The following PAX5 variants were observed in gnomAD, a reference collection of about 807,000 sequenced individuals.
PAX5 encodes the protein paired box protein Pax-5.
PAX5 carries 9 observed loss-of-function variants against 43.7 expected under a neutral mutation model. The ratio of observed to expected loss-of-function variants is 0.21; its 90% CI spans 0.12 to 0.36. The LOEUF (loss-of-function observed/expected upper bound fraction) is 0.36, where lower values mean the gene tolerates loss of function less well. Ranked by LOEUF, PAX5 falls within the 10% of genes least tolerant of loss-of-function variation. The probability of loss-of-function intolerance (pLI) is 1.00; values close to 1 mark genes in which losing one functional copy is unlikely to be tolerated. For synonymous variants in PAX5, 228 were observed against 214.3 expected (o/e 1.06, Z -0.56); for missense variants, 383 against 532.7 (o/e 0.72, Z 2.77).
At chr9:36,987,820 T>TCTGC (rs988564400) in intron 5 of PAX5, among the ~76,000 whole-genome samples, 2 of 152,216 alleles carry the variant, frequency 1.3e-5, no homozygotes, top group African/African-American at 2.4e-5. Flanking sequence ...TCTCTGCCTC[T>TCTGC]CTGCCTGCCT....
chr9:36,958,455 A>G (rs937063580), intron 6 of PAX5, among the ~76,000 whole-genome samples: 2 of 148,458 alleles, frequency 1.3e-5, no homozygotes, highest in Non-Finnish European at 3.0e-5. Context: ...CTGGCTGGAG[A>G]CTTGGAGGGT....
At chr9:36,931,642 A>G (rs2132014643) in intron 6 of PAX5, among the ~76,000 whole-genome samples, 1 of 152,294 alleles carries the variant, frequency 6.6e-6, no homozygotes. Flanking sequence ...TGAGATCAGG[A>G]GTTCAAGACC....
chr9:36,870,724 T>C (rs1412800005), intron 8 of PAX5, among the ~76,000 whole-genome samples: 1 of 152,226 alleles, frequency 6.6e-6, no homozygotes, highest in South Asian at 2.1e-4. Context: ...TGCACTTTCA[T>C]TTAGGATCCT....
At chr9:36,876,499 C>T (rs1825924748) in intron 8 of PAX5, among the ~76,000 whole-genome samples, 1 of 152,222 alleles carries the variant, frequency 6.6e-6, no homozygotes, top group Non-Finnish European at 1.5e-5. Flanking sequence ...CTTCCTTTTT[C>T]CTCTAGCCCA....
At chr9:36,876,656 G>A (rs146988774) in intron 8 of PAX5, among the ~76,000 whole-genome samples, 27 of 152,256 alleles carry the variant, frequency 1.8e-4, no homozygotes, top group Non-Finnish European at 1.8e-4. Flanking sequence ...CAAAATTTTC[G>A]GCATTTTCTG....
At chr9:36,952,381 A>G (rs937164648) in intron 6 of PAX5, among the ~76,000 whole-genome samples, 5 of 151,772 alleles carry the variant, frequency 3.3e-5, no homozygotes, top group African/African-American at 9.7e-5. Flanking sequence ...CTGGGATTAC[A>G]GGCACATGCC....
At chr9:37,014,906 G>C in intron 3 of PAX5, 91 bp downstream of exon 3, 1 of 1,211,188 alleles carries the variant, frequency 8.3e-7, no homozygotes, top group East Asian at 2.3e-5. Context: ...TGAAAAAAGA[G>C]ACCAGATCTT....
intron 1 of PAX5, among the ~76,000 whole-genome samples, chr9:37,032,899 C>G (rs73440832): frequency 0.014 from 2,080 of 152,362 alleles, 49 homozygotes; most frequent in African/African-American, 0.047. Flanking sequence ...TGTGCGCATA[C>G]AGGCCCTAGA....
chr9:37,025,508 G>C (rs1368795079), intron 1 of PAX5, among the ~76,000 whole-genome samples: 1 of 152,216 alleles, frequency 6.6e-6, no homozygotes, highest in Admixed American at 6.5e-5. Context: ...CAGAGACCCC[G>C]AGCGGCACCC....
intron 5 of PAX5, among the ~76,000 whole-genome samples, chr9:36,967,721 T>A (rs1397951908): frequency 6.6e-6 from 1 of 152,104 alleles, no homozygotes; most frequent in Admixed American, 6.6e-5. Flanking sequence ...AGGTAGGAAG[T>A]GAGTGAGTGG....
chr9:36,833,406 G>T lies in PAX5; in HGVS notation c.*7154C>A. On this transcript the variant is annotated 3_prime_UTR_variant, in exon 10 of 10. Coordinates refer to ENST00000358127, the MANE Select transcript of PAX5 (RefSeq NM_016734.3). ...ACAGCCACTCATGAAAAGACACACA[G>T]ATATTGAAACTACGCCAATCTTATT... 4.3e-6 allele frequency: 1 copy of T among 233,024 alleles called. No homozygotes were observed. Among genetic ancestry groups the T allele is most frequent in the Non-Finnish European group, 8.5e-6 (1 of 118,018 alleles). 14.4% of individuals were successfully genotyped at this position (233,024 alleles called of 1,614,324 possible).
At chr9:36,939,950 C>A (rs60017165) in intron 6 of PAX5, among the ~76,000 whole-genome samples, 4,025 of 152,310 alleles carry the variant, frequency 0.026, 159 homozygotes, top group African/African-American at 0.083. Flanking sequence ...CACTGGAACT[C>A]GGGCTGGGGC....
intron 6 of PAX5, among the ~76,000 whole-genome samples, chr9:36,948,088 T>G (rs34680427): frequency 0.2 from 30,768 of 152,204 alleles, 3,498 homozygotes; most frequent in Non-Finnish European, 0.25. Context: ...AGCTCTGTGC[T>G]AGCATATCGG....
At chr9:36,992,135 C>T (rs981661240) in intron 5 of PAX5, among the ~76,000 whole-genome samples, 1 of 148,622 alleles carries the variant, frequency 6.7e-6, no homozygotes, top group African/African-American at 2.5e-5. Flanking sequence ...CCCCCCAACC[C>T]TCCCACACAC....
chr9:36,946,643 C>T (rs776703107), intron 6 of PAX5, among the ~76,000 whole-genome samples: 2 of 152,206 alleles, frequency 1.3e-5, no homozygotes, highest in African/African-American at 4.8e-5. Context: ...AGCATAGATG[C>T]GCTTTCTGAC....
At chr9:36,927,599 C>T (rs1397776127) in intron 6 of PAX5, among the ~76,000 whole-genome samples, 1 of 152,208 alleles carries the variant, frequency 6.6e-6, no homozygotes, top group Non-Finnish European at 1.5e-5. Context: ...CCACCACTGG[C>T]TCCCAGAAAG....
chr9:36,979,718 T>G (rs1377586385), intron 5 of PAX5, among the ~76,000 whole-genome samples: 2 of 152,196 alleles, frequency 1.3e-5, no homozygotes, highest in South Asian at 2.1e-4. Context: ...CTCAGTGCCT[T>G]GTACCCCAGT....
At chr9:36,962,488 CG>C (rs1243963387) in intron 6 of PAX5, among the ~76,000 whole-genome samples, 1 of 152,156 alleles carries the variant, frequency 6.6e-6, no homozygotes, top group African/African-American at 2.4e-5. Context: ...GCATTTGCCT[CG>C]GGGGTCCAAT....
At position 36,835,888 on chromosome 9, in the gene PAX5, G is replaced by A. The variant is rs1821609128; in HGVS notation, c.*4672C>T. The A allele has an allele frequency of 4.3e-6, 1 of 233,438 alleles. No individual in the cohort carries two copies. Among genetic ancestry groups the A allele is most frequent in the Non-Finnish European group, 8.5e-6 (1 of 118,324 alleles). 14.5% of individuals were successfully genotyped at this position (233,438 alleles called of 1,614,324 possible). A position where few individuals can be genotyped will look rare whatever the true frequency, so the allele number is the denominator to read the frequency against. On this transcript the variant is annotated 3_prime_UTR_variant, in exon 10 of 10. Coordinates refer to ENST00000358127, the MANE Select transcript of PAX5 (RefSeq NM_016734.3). ...TGGCCTGGCCGTGGGGCAGGAGTTG[G>A]TTTCCACCCTCCCGGGAAGCTGTAT... is the stretch of plus-strand genomic sequence containing the variant.
Sources: gnomAD v4.1 joint callset for allele counts (sites outside exome capture counted in the v4.1 genomes callset) on GRCh38, gnomAD v4.1.1 for gene constraint, MANE v1.5 for transcripts, NCBI Gene and HGNC (gene_info 2026-07-23, HGNC 2026-07-21) for gene names.